PLXNA2: variants seen among roughly 807,000 people sequenced by gnomAD.
PLXNA2 encodes the protein plexin-A2.
Under a neutral mutation model 193.5 loss-of-function variants are expected in PLXNA2, and 91 were observed. That is an observed-to-expected ratio of 0.47 (90% CI 0.40 to 0.56). The LOEUF (loss-of-function observed/expected upper bound fraction) is 0.56, where lower values mean the gene tolerates loss of function less well. Ranked by LOEUF, PLXNA2 falls within the 20% of genes least tolerant of loss-of-function variation. The probability of loss-of-function intolerance (pLI) is 0.00; values close to 1 mark genes in which losing one functional copy is unlikely to be tolerated. For synonymous variants in PLXNA2, 997 were observed against 1,027.3 expected (o/e 0.97, Z 0.56); for missense variants, 1,995 against 2,503.2 (o/e 0.80, Z 4.33).
intron 3 of PLXNA2, among the ~76,000 whole-genome samples, chr1:208,204,663 A>G (rs563510004): frequency 3.1e-4 from 47 of 152,286 alleles, no homozygotes; most frequent in African/African-American, 1.1e-3. Context: ...TAGGCACCCA[A>G]TACATTTGAG....
At chr1:208,030,690 T>A in intron 29 of PLXNA2, 1 of 985,484 alleles carries the variant, frequency 1.0e-6, no homozygotes, top group Non-Finnish European at 1.2e-6. Context: ...TGGGCCCATC[T>A]GTGTCGGCTC....
At chr1:208,102,213 G>A (rs555828330) in intron 5 of PLXNA2, among the ~76,000 whole-genome samples, 16 of 152,246 alleles carry the variant, frequency 1.1e-4, no homozygotes, top group South Asian at 2.1e-4. Context: ...AACACCTGCC[G>A]CAGAGGCTGG....
At chr1:208,047,314 T>C (rs897979601) in intron 17 of PLXNA2, among the ~76,000 whole-genome samples, 1 of 152,270 alleles carries the variant, frequency 6.6e-6, no homozygotes, top group South Asian at 2.1e-4. Flanking sequence ...AAGTGTCCCC[T>C]AACCCTGCAC....
chr1:208,033,240 G>T, intron 28 of PLXNA2, 79 bp downstream of exon 28: 1 of 1,333,132 alleles, frequency 7.5e-7, no homozygotes, highest in South Asian at 1.3e-5. Context: ...ACACACTCCA[G>T]ACATCCTTTC....
At position 208,167,771 on chromosome 1, in the gene PLXNA2, G is replaced by C. The variant is rs188510678; in HGVS notation, c.1372-25308C>G. 2.0e-5 allele frequency among the ~76,000 whole-genome samples: 3 copies of C among 152,270 alleles called. No individual in the cohort carries two copies. The South Asian group carries it at 6.2e-4, about 32-fold the overall frequency. ...TATGTTTCTGCTTAATACAAATTGT[G>C]GTTATTTAGCAGCCCAAATACCAAT... On this transcript the variant is annotated intron_variant, in intron 3 of 31. Coordinates refer to ENST00000367033, the MANE Select transcript of PLXNA2 (RefSeq NM_025179.4).
intron 1 of PLXNA2, among the ~76,000 whole-genome samples, chr1:208,223,231 G>GT (rs5780442): frequency 0.2 from 27,752 of 141,484 alleles, 2,913 homozygotes; most frequent in Non-Finnish European, 0.25. Context: ...CCAACCCACT[G>GT]TTTTTTTTTT....
chr1:208,096,640 A>G (rs1330884436), intron 7 of PLXNA2, 90 bp downstream of exon 7: 9 of 1,448,800 alleles, frequency 6.2e-6, no homozygotes, highest in African/African-American at 1.4e-5. Flanking sequence ...ATCTGGTATA[A>G]GAAGACTGTG....
intron 4 of PLXNA2, among the ~76,000 whole-genome samples, chr1:208,124,660 C>T (rs1251170643): frequency 1.0e-5 from 1 of 95,676 alleles, no homozygotes; most frequent in Admixed American, 1.7e-4. Flanking sequence ...GCCTGGGCGA[C>T]AACAGCAAAA....
chr1:208,150,868 C>T (rs1558217237), intron 3 of PLXNA2, among the ~76,000 whole-genome samples: 1 of 152,170 alleles, frequency 6.6e-6, no homozygotes, highest in Non-Finnish European at 1.5e-5. Context: ...GAATCCAGAC[C>T]TCTGGGTTCT....
At chr1:208,159,433 G>A (rs1057359090) in intron 3 of PLXNA2, among the ~76,000 whole-genome samples, 1 of 152,226 alleles carries the variant, frequency 6.6e-6, no homozygotes, top group Non-Finnish European at 1.5e-5. Flanking sequence ...GGGAGCCTAT[G>A]CTAAAGTACC....
intron 2 of PLXNA2, among the ~76,000 whole-genome samples, chr1:208,215,325 G>T (rs1353198195): frequency 1.3e-5 from 2 of 152,130 alleles, no homozygotes; most frequent in Non-Finnish European, 2.9e-5. Flanking sequence ...TGCAACCCCA[G>T]TGCCTAGTAC....
chr1:208,171,590 C>T (rs1185635594), intron 3 of PLXNA2, among the ~76,000 whole-genome samples: 1 of 152,166 alleles, frequency 6.6e-6, no homozygotes, highest in Non-Finnish European at 1.5e-5. Flanking sequence ...CACCTTCATG[C>T]CTCATCCCAG....
chr1:208,169,905 A>G (rs991414386), intron 3 of PLXNA2, among the ~76,000 whole-genome samples: 49 of 152,072 alleles, frequency 3.2e-4, no homozygotes, highest in Non-Finnish European at 2.9e-4. Context: ...AAAAAGTTTC[A>G]AAGTCCAAAC....
chr1:208,039,300 C>T (rs1664778518), intron 24 of PLXNA2, among the ~76,000 whole-genome samples: 1 of 152,162 alleles, frequency 6.6e-6, no homozygotes, highest in South Asian at 2.1e-4. Flanking sequence ...GTATCAGAGA[C>T]TAGTCATGCA....
intron 3 of PLXNA2, among the ~76,000 whole-genome samples, chr1:208,152,970 T>C (rs1371952805): frequency 1.3e-5 from 2 of 152,246 alleles, no homozygotes; most frequent in East Asian, 3.9e-4. Flanking sequence ...CTAGAATGTC[T>C]CTTGGCACAG....
At chr1:208,081,773 C>A (rs1440770412) in intron 11 of PLXNA2, among the ~76,000 whole-genome samples, 3 of 152,170 alleles carry the variant, frequency 2.0e-5, no homozygotes, top group Middle Eastern at 3.2e-3. Flanking sequence ...ATATTGGAGT[C>A]ACTTTTATCA....
Position 208,044,795 on chromosome 1 carries a change from G to A in PLXNA2, c.3640-53C>T, listed in dbSNP as rs752517093. 152 of 1,391,552 alleles carry A rather than the reference G, an allele frequency of 1.1e-4. No homozygotes were observed. Among genetic ancestry groups the A allele is most frequent in the Non-Finnish European group, 1.5e-4 (148 of 993,298 alleles). 86.2% of individuals were successfully genotyped at this position (1,391,552 alleles called of 1,614,324 possible). A position where few individuals can be genotyped will look rare whatever the true frequency, so the allele number is the denominator to read the frequency against. On this transcript the variant is annotated intron_variant, in intron 19 of 31. Transcript: ENST00000367033. This position sits in a 1 kb window ranked among gnomAD's most constrained non-coding sequence, Gnocchi z 4.9. ...ATGGATGCACACAGGTGTAGAGCCC[G>A]GGCATGCCAGCAGATCCTTACAGTG...
intron 4 of PLXNA2, among the ~76,000 whole-genome samples, chr1:208,131,536 G>A (rs1320248472): frequency 6.6e-6 from 1 of 152,140 alleles, no homozygotes; most frequent in Non-Finnish European, 1.5e-5. Context: ...AGAGCTCTGG[G>A]GTGTCATTCC....
rs912727236 is a variant in PLXNA2, at chr1:208,060,961, T to C, written c.2587-124A>G. Reference sequence around the variant, plus strand: ...GGTTCTTAAATTCCTCCACCAGGAATTCTGGTGAGTGAGTGCGTTTTGTCC... The same window carrying C: ...GGTTCTTAAATTCCTCCACCAGGAACTCTGGTGAGTGAGTGCGTTTTGTCC... On this transcript the variant is annotated intron_variant, in intron 12 of 31. Coordinates refer to ENST00000367033, the MANE Select transcript of PLXNA2 (RefSeq NM_025179.4). 11 of 757,768 alleles carry C rather than the reference T, an allele frequency of 1.5e-5. No homozygotes were observed. In the African/African-American group the frequency reaches 2.0e-4, roughly 13 times the overall value. The allele number at this position is 757,768 out of a possible 1,614,324, so 46.9% of individuals were successfully genotyped here.
Sources: gnomAD v4.1 joint callset for allele counts (sites outside exome capture counted in the v4.1 genomes callset) on GRCh38, gnomAD v4.1.1 for gene constraint, Gnocchi (gnomAD v3.1) non-coding constraint, MANE v1.5 for transcripts, NCBI Gene and HGNC (gene_info 2026-07-23, HGNC 2026-07-21) for gene names.